ZNF420: variants seen among roughly 807,000 people sequenced by gnomAD.
ZNF420 encodes the protein zinc finger protein 420, also known as ATM and p53-associated KZNF protein.
Under a neutral mutation model 44.7 loss-of-function variants are expected in ZNF420, and 31 were observed. The ratio of observed to expected loss-of-function variants is 0.69; its 90% CI spans 0.52 to 0.94. The LOEUF is 0.94. Ranked by LOEUF, ZNF420 falls within the 40% of genes least tolerant of loss-of-function variation. The probability of loss-of-function intolerance (pLI) is 0.00; values close to 1 mark genes in which losing one functional copy is unlikely to be tolerated. For synonymous variants in ZNF420, 245 were observed against 267.4 expected, an observed-to-expected ratio of 0.92 and a Z score of 0.82; for missense variants, 681 against 827.9, an observed-to-expected ratio of 0.82 and a Z score of 2.18.
At chr19:37,044,842 GATAATA>G (rs1216533676) in intron 1 of ZNF420, among the ~76,000 whole-genome samples, 11 of 152,064 alleles carry the variant, frequency 7.2e-5, no homozygotes, top group African/African-American at 2.7e-4. Context: ...AAATAATAAT[GATAATA>G]ATAATGTTTT....
intron 4 of ZNF420, among the ~76,000 whole-genome samples, chr19:37,121,132 T>C (rs1391235549): frequency 2.0e-5 from 3 of 146,850 alleles, no homozygotes; most frequent in Non-Finnish European, 4.5e-5. Context: ...TACTTTAAAG[T>C]TCATATGGAA....
chr19:37,093,698 A>C (rs1969283369), intron 4 of ZNF420, among the ~76,000 whole-genome samples: 1 of 152,214 alleles, frequency 6.6e-6, no homozygotes, highest in Non-Finnish European at 1.5e-5. Context: ...TGCCAAGTGA[A>C]AGAAGCCAAA....
chr19:37,108,178 A>G (rs1026948313), intron 4 of ZNF420: 3 of 152,230 alleles, frequency 2.0e-5, no homozygotes, highest in African/African-American at 7.2e-5. Context: ...GAAGAGTGCA[A>G]TGCAACTCCT....
intron 1 of ZNF420, among the ~76,000 whole-genome samples, chr19:37,010,799 G>A (rs939250816): frequency 2.0e-5 from 3 of 152,068 alleles, no homozygotes; most frequent in African/African-American, 7.2e-5. Context: ...TCTCCATCCT[G>A]AGCGGCCTCT....
chr19:37,074,017 AAAGCTCTTTTATATAC>A (rs2079845741), upstream of ZNF420, among the ~76,000 whole-genome samples: 1 of 152,126 alleles, frequency 6.6e-6, no homozygotes, highest in African/African-American at 2.4e-5. Context: ...GTGGAAAGGC[AAAGCTCTTTTATATAC>A]AAGAAGGAAT....
chr19:37,046,291 C>T (rs1023142845), intron 1 of ZNF420, among the ~76,000 whole-genome samples: 3 of 152,160 alleles, frequency 2.0e-5, no homozygotes, highest in South Asian at 4.1e-4. Flanking sequence ...TGAGCATTCT[C>T]ATATGTTATG....
chr19:37,099,689 T>C (rs1969656132), intron 4 of ZNF420, among the ~76,000 whole-genome samples: 1 of 152,196 alleles, frequency 6.6e-6, no homozygotes, highest in Non-Finnish European at 1.5e-5. Flanking sequence ...AGTGGTGCAA[T>C]CTCGGCTCAC....
intron 4 of ZNF420, among the ~76,000 whole-genome samples, chr19:37,096,454 CT>C (rs772272318): frequency 7.5e-4 from 114 of 152,246 alleles, no homozygotes; most frequent in Non-Finnish European, 9.3e-4. Context: ...TGTCATTTTC[CT>C]TTAAGGTTTG....
intron 1 of ZNF420, among the ~76,000 whole-genome samples, chr19:37,079,245 A>G (rs1231714538): frequency 6.6e-6 from 1 of 152,202 alleles, no homozygotes; most frequent in Non-Finnish European, 1.5e-5. Flanking sequence ...TTGTGCCTCT[A>G]GCTGTGTAAC....
chr19:37,043,742 G>A (rs762260321), intron 1 of ZNF420, among the ~76,000 whole-genome samples: 3 of 152,030 alleles, frequency 2.0e-5, no homozygotes, highest in Admixed American at 6.6e-5. Flanking sequence ...TGAAGTGCTG[G>A]GATTACAGGC....
intron 1 of ZNF420, among the ~76,000 whole-genome samples, chr19:37,058,931 G>T (rs1237114203): frequency 1.3e-5 from 2 of 152,220 alleles, no homozygotes; most frequent in African/African-American, 2.4e-5. Context: ...TCCTCCAAGG[G>T]AGAAGGGAGG....
intron 4 of ZNF420, among the ~76,000 whole-genome samples, chr19:37,122,117 A>G (rs933369392): frequency 6.6e-6 from 1 of 152,226 alleles, no homozygotes; most frequent in African/African-American, 2.4e-5. Context: ...TACTGGGTAT[A>G]TACCCAAAGG....
chr19:37,015,998 G>A lies in ZNF420; in HGVS notation c.-125+7916G>A, dbSNP rs1228013068. Among the ~76,000 whole-genome samples the A allele has an allele frequency of 2.0e-5, 3 of 152,182 alleles. No homozygotes were observed. In the East Asian group the frequency reaches 5.8e-4, roughly 29 times the overall value. ...AAACTTTTCCCAGTTAGTTGAGGAT[G>A]ACCTTTCTGAAGATCCATGTCATGA... On this transcript the variant is annotated intron_variant, in intron 1 of 4. Transcript: ENST00000587029.
intron 1 of ZNF420, among the ~76,000 whole-genome samples, chr19:37,053,007 C>T (rs151299173): frequency 0.013 from 2,006 of 152,264 alleles, 46 homozygotes; most frequent in African/African-American, 0.045. Flanking sequence ...ACCAATAAGA[C>T]GTAGATTTGG....
chr19:37,085,373 CT>C (rs1401211655), intron 2 of ZNF420, among the ~76,000 whole-genome samples: 4 of 152,156 alleles, frequency 2.6e-5, no homozygotes, highest in Non-Finnish European at 5.9e-5. Context: ...TTTTGATGAC[CT>C]TTCCATACGC....
chr19:37,113,653 G>A (rs1398980385), intron 4 of ZNF420, among the ~76,000 whole-genome samples: 2 of 152,170 alleles, frequency 1.3e-5, no homozygotes, highest in Non-Finnish European at 2.9e-5. Flanking sequence ...ATGAGGGGCA[G>A]GCGGTTCCTG....
chr19:37,128,944 C>T lies in ZNF420; in HGVS notation c.1953C>T (p.Ala651=). Residue 651 remains alanine (A), a synonymous_variant, in exon 5 of 5, where the codon GCC becomes GCT. Transcript: ENST00000337995. ...KPYQCKECGK[A]FTRGSQLTQH... is the part of the protein sequence containing the mutation. Reference sequence around the variant, plus strand: ...ATCAATGTAAGGAATGTGGGAAGGCCTTTACTCGTGGTTCACAGCTAACTC... The same window carrying T: ...ATCAATGTAAGGAATGTGGGAAGGCTTTTACTCGTGGTTCACAGCTAACTC... The T allele has an allele frequency of 1.2e-6, 2 of 1,614,032 alleles. No individual in the cohort carries two copies. The highest frequency in any genetic ancestry group is 1.7e-6 in the Non-Finnish European group (2 of 1,179,978).
intron 1 of ZNF420, among the ~76,000 whole-genome samples, chr19:37,026,287 A>G (rs1295216506): frequency 6.7e-6 from 1 of 150,354 alleles, no homozygotes; most frequent in Non-Finnish European, 1.5e-5. Context: ...CCTCCCGAGT[A>G]GCTGGGACTA....
chr19:37,029,873 G>GATAT (rs113128816), intron 1 of ZNF420, among the ~76,000 whole-genome samples: 11 of 151,480 alleles, frequency 7.3e-5, no homozygotes, highest in African/African-American at 1.5e-4. Context: ...AATGTTATAG[G>GATAT]ATATATATAT....
Sources: gnomAD v4.1 joint callset for allele counts (sites outside exome capture counted in the v4.1 genomes callset) on GRCh38, gnomAD v4.1.1 for gene constraint, MANE v1.5 for transcripts, NCBI Gene and HGNC (gene_info 2026-07-23, HGNC 2026-07-21) for gene names.